The following DEPDC5 variants were observed in gnomAD, a reference collection of about 807,000 sequenced individuals.
DEPDC5 encodes the protein DEP domain containing 5, GATOR1 subcomplex subunit.
In DEPDC5, 73 loss-of-function variants were observed where a neutral mutation model predicts 217.3. The observed-to-expected ratio is 0.34, with a 90% CI of 0.28 to 0.41. The LOEUF (loss-of-function observed/expected upper bound fraction) is 0.41. DEPDC5 is among the 10% of genes least tolerant of loss of function. The pLI, the probability that DEPDC5 is intolerant of heterozygous loss-of-function variation, is 1.00. For missense variants in DEPDC5, 1,675 were observed against 2,070.1 expected, an observed-to-expected ratio of 0.81 and a Z score of 3.70; for synonymous variants, 733 against 756.7, an observed-to-expected ratio of 0.97 and a Z score of 0.51.
chr22:31,879,489 G>A (rs773960858), intron 37 of DEPDC5, 36 bp from the exon 38 acceptor site: 1 of 1,582,642 alleles, frequency 6.3e-7, no homozygotes, highest in Non-Finnish European at 8.6e-7. Flanking sequence ...AAGCATTTGT[G>A]TTGAGTACTC....
At chr22:31,813,521 G>A (rs2088685847) in intron 20 of DEPDC5, among the ~76,000 whole-genome samples, 1 of 152,160 alleles carries the variant, frequency 6.6e-6, no homozygotes, top group Non-Finnish European at 1.5e-5. Flanking sequence ...CCTTCCAGGA[G>A]GAAAGGGAGC....
intron 31 of DEPDC5, 74 bp downstream of exon 31, chr22:31,847,041 A>AG (rs1555901711): frequency 8.8e-6 from 14 of 1,597,244 alleles, no homozygotes; most frequent in Non-Finnish European, 1.2e-5. Flanking sequence ...TGTTCCCTTG[A>AG]GGGGGTGAAA....
intron 12 of DEPDC5, among the ~76,000 whole-genome samples, chr22:31,796,544 T>C (rs568770439): frequency 1.3e-5 from 2 of 152,340 alleles, no homozygotes; most frequent in South Asian, 4.1e-4. Flanking sequence ...ATCCTTAGTT[T>C]TTATGATAAA....
intron 4 of DEPDC5, among the ~76,000 whole-genome samples, chr22:31,761,748 G>A (rs1299683302): frequency 6.6e-6 from 1 of 151,366 alleles, no homozygotes; most frequent in Non-Finnish European, 1.5e-5. Context: ...CAGGCGGATT[G>A]CCTGAGCTCA....
chr22:31,845,266 G>C, intron 30 of DEPDC5, 29 bp downstream of exon 30: 1 of 1,597,822 alleles, frequency 6.3e-7, no homozygotes, highest in Non-Finnish European at 8.5e-7. Flanking sequence ...CAGGGAGTGC[G>C]CCTGGTGTGA....
rs146449468 is a variant in DEPDC5 at position 31,906,059 on chromosome 22, C to T, written c.4512C>T (p.His1504=). The T allele has an allele frequency of 0.019, 30,248 of 1,614,118 alleles. 322 individuals are homozygous for T. The highest frequency in any genetic ancestry group is 0.025 in the South Asian group (2,290 of 91,078). ...FPAENKPQYI[H]VTGTVFLQLP... ...CTGAGAACAAGCCTCAGTATATCCA[C>T]GTTACAGGTGAGGAGCTACGGGCAG... The change falls in exon 42 of 43, where the codon CAC becomes CAT. Residue 1504 remains histidine, a synonymous_variant. Coordinates refer to ENST00000651528, the MANE Select transcript of DEPDC5 (RefSeq NM_001242896.3). This position sits in a 1 kb window ranked among gnomAD's most constrained non-coding sequence, Gnocchi z 5.1.
At chr22:31,834,565 G>A (rs1468060799) in intron 25 of DEPDC5, among the ~76,000 whole-genome samples, 1 of 149,586 alleles carries the variant, frequency 6.7e-6, no homozygotes, top group East Asian at 2.0e-4. Flanking sequence ...CACCCAGGCT[G>A]GAGTGCAGTG....
chr22:31,781,218 AAAAC>A (rs1234693442), intron 8 of DEPDC5, among the ~76,000 whole-genome samples: 32 of 131,820 alleles, frequency 2.4e-4, no homozygotes, highest in African/African-American at 6.5e-4. Context: ...CTCGGTCTCA[AAAAC>A]AAACAAACAA....
intron 39 of DEPDC5, 67 bp from the exon 40 acceptor site, chr22:31,897,415 G>C: frequency 1.3e-6 from 2 of 1,536,362 alleles, no homozygotes; most frequent in Non-Finnish European, 1.8e-6. Context: ...TTTTCTCCTT[G>C]GGAAGTATTT....
chr22:31,764,920 A>G (rs2082687405), intron 4 of DEPDC5, 55 bp from the exon 5 acceptor site: 7 of 1,350,294 alleles, frequency 5.2e-6, no homozygotes, highest in African/African-American at 1.4e-5. Context: ...ATTAGAATAT[A>G]TGGATCTGCT....
chr22:31,899,223 A>AATAAGG (rs765032632), intron 40 of DEPDC5, among the ~76,000 whole-genome samples: 19 of 152,190 alleles, frequency 1.2e-4, no homozygotes, highest in Non-Finnish European at 2.1e-4. Context: ...AGTTTAAAGC[A>AATAAGG]ATAAGGATTT....
At chr22:31,894,934 G>A (rs1477381214) in intron 39 of DEPDC5, 1 of 151,926 alleles carries the variant, frequency 6.6e-6, no homozygotes, top group Non-Finnish European at 1.5e-5. Context: ...CTAAGGTTGG[G>A]GGTTCGAGAC....
chr22:31,794,462 G>A (rs2086018033), intron 12 of DEPDC5, among the ~76,000 whole-genome samples: 1 of 152,122 alleles, frequency 6.6e-6, no homozygotes, highest in African/African-American at 2.4e-5. Flanking sequence ...ATTTATAGGT[G>A]TATATGACTA....
Position 31,856,155 on chromosome 22 carries a change from G to GCACACACACA in DEPDC5, c.3156-1264_3156-1255dup, listed in dbSNP as rs136863. On this transcript the variant is annotated intron_variant, in intron 31 of 42. Coordinates refer to ENST00000651528, the MANE Select transcript of DEPDC5 (RefSeq NM_001242896.3). ...GAGATGTGCTGAGTTGGGCCAACGC[G>GCACACACACA]CACACACACACACACACACACACAC... 8.2e-4 allele frequency among the ~76,000 whole-genome samples: 115 copies of GCACACACACA among 140,666 alleles called. 2 individuals carry two copies. The highest frequency in any genetic ancestry group is 1.9e-3 in the East Asian group (9 of 4,758). 92.3% of individuals were successfully genotyped at this position (140,666 alleles called of 152,430 possible).
chr22:31,797,848 C>T, intron 13 of DEPDC5, 145 bp downstream of exon 13: 1 of 666,210 alleles, frequency 1.5e-6, no homozygotes, highest in Non-Finnish European at 2.6e-6. Context: ...CCAGTTGGAT[C>T]CAATTGTACA....
At chr22:31,901,829 T>C (rs867317131) in intron 41 of DEPDC5, 27 bp downstream of exon 41, 4 of 1,606,628 alleles carry the variant, frequency 2.5e-6, no homozygotes, top group Non-Finnish European at 3.4e-6. Context: ...GTGTGAAGAG[T>C]GGGAAGGAAA....
intron 32 of DEPDC5, chr22:31,859,095 T>G (rs1405343282): frequency 1.5e-5 from 2 of 137,898 alleles, no homozygotes; most frequent in Admixed American, 1.5e-4. Flanking sequence ...TTTTTTTTTT[T>G]TTTTTTTTTT....
intron 31 of DEPDC5, among the ~76,000 whole-genome samples, 161 bp downstream of exon 31, chr22:31,847,128 G>A (rs1051665791): frequency 1.3e-5 from 2 of 152,176 alleles, no homozygotes; most frequent in African/African-American, 4.8e-5. Context: ...GGTAGGTGTT[G>A]GATAACATGA....
At chr22:31,905,918 C>T in intron 41 of DEPDC5, 66 bp from the exon 42 acceptor site, 1 of 1,419,724 alleles carries the variant, frequency 7.0e-7, no homozygotes. Flanking sequence ...CTATCAGCTA[C>T]ATTCTCTTCC....
Sources: gnomAD v4.1 joint callset for allele counts (sites outside exome capture counted in the v4.1 genomes callset) on GRCh38, gnomAD v4.1.1 for gene constraint, Gnocchi (gnomAD v3.1) non-coding constraint, MANE v1.5 for transcripts, NCBI Gene and HGNC (gene_info 2026-07-23, HGNC 2026-07-21) for gene names.